Variants in MAML2 observed in about 807,000 individuals in gnomAD.
MAML2 encodes mastermind like transcriptional coactivator 2.
Under a neutral mutation model 96.1 loss-of-function variants are expected in MAML2, and 22 were observed. The ratio of observed to expected loss-of-function variants is 0.23; its 90% CI spans 0.16 to 0.33. MAML2 has a LOEUF of 0.33. Among genes scored for constraint, MAML2 ranks in the 10% least tolerant of loss-of-function variants. The pLI, the probability that MAML2 is intolerant of heterozygous loss-of-function variation, is 1.00. For synonymous variants in MAML2, 561 were observed against 521.3 expected, an observed-to-expected ratio of 1.08 and a Z score of -1.04; for missense variants, 1,367 against 1,392.4, an observed-to-expected ratio of 0.98 and a Z score of 0.29.
At chr11:96,190,607 G>A (rs1004146844) in intron 1 of MAML2, among the ~76,000 whole-genome samples, 2 of 152,104 alleles carry the variant, frequency 1.3e-5, no homozygotes, top group Non-Finnish European at 2.9e-5. Context: ...CCTGGAACTG[G>A]GGCCAATAAA....
At chr11:96,311,960 G>A (rs1863547693) in intron 1 of MAML2, among the ~76,000 whole-genome samples, 1 of 152,006 alleles carries the variant, frequency 6.6e-6, no homozygotes, top group African/African-American at 2.4e-5. Context: ...GCAAACACCG[G>A]CCAGGCTTGG....
At chr11:96,042,466 C>G (rs1356818884) in intron 2 of MAML2, among the ~76,000 whole-genome samples, 1 of 152,140 alleles carries the variant, frequency 6.6e-6, no homozygotes, top group African/African-American at 2.4e-5. Flanking sequence ...CTCCCGTGGT[C>G]TTCCCCACTG....
chr11:96,105,125 G>T (rs1393921981), intron 1 of MAML2, among the ~76,000 whole-genome samples: 1 of 152,142 alleles, frequency 6.6e-6, no homozygotes. Context: ...TGAAATGCTG[G>T]AAAGAGGCCA....
chr11:96,184,300 C>G (rs963031033), intron 1 of MAML2, among the ~76,000 whole-genome samples: 1 of 151,958 alleles, frequency 6.6e-6, no homozygotes, highest in African/African-American at 2.4e-5. Flanking sequence ...AATTAGTGGG[C>G]GTGGTGGCAC....
intron 1 of MAML2, among the ~76,000 whole-genome samples, chr11:96,292,462 T>C (rs895409315): frequency 6.6e-6 from 1 of 152,230 alleles, no homozygotes; most frequent in African/African-American, 2.4e-5. Flanking sequence ...TATGCTATTA[T>C]CCCATTTTAC....
intron 1 of MAML2, among the ~76,000 whole-genome samples, chr11:96,199,221 AAG>A (rs1861779341): frequency 2.1e-5 from 3 of 141,532 alleles, no homozygotes; most frequent in African/African-American, 7.8e-5. Context: ...AAAAAAAAAA[AAG>A]AGAGGGGTAG....
Position 96,341,971 on chromosome 11 carries a change from C to A in MAML2, c.-76G>T. The A allele has an allele frequency of 7.2e-7, 1 of 1,389,984 alleles. No individual in the cohort carries two copies. The highest frequency in any genetic ancestry group is 1.5e-5 in the South Asian group (1 of 67,470). 86.1% of individuals were successfully genotyped at this position (1,389,984 alleles called of 1,614,324 possible). On this transcript the variant is annotated 5_prime_UTR_variant, in exon 1 of 5. Coordinates refer to ENST00000524717, the MANE Select transcript of MAML2 (RefSeq NM_032427.4). Reference sequence around the variant, plus strand: ...CTACTGCTGGCTATTGCAGGCAAGTCTGTTTTTGACAATGTGAGCTCAGTG... The same window carrying A: ...CTACTGCTGGCTATTGCAGGCAAGTATGTTTTTGACAATGTGAGCTCAGTG...
rs760862835 is a variant in MAML2 at position 95,977,165 on chromosome 11, G to T, written c.*1783C>A. 1 of 190,930 alleles carries T rather than the reference G, an allele frequency of 5.2e-6. No individual in the cohort carries two copies. Among genetic ancestry groups the T allele is most frequent in the Non-Finnish European group, 1.1e-5 (1 of 91,058 alleles). 11.8% of individuals were successfully genotyped at this position (190,930 alleles called of 1,614,324 possible). On this transcript the variant is annotated 3_prime_UTR_variant, in exon 5 of 5. Transcript: ENST00000524717. ...ATATTATACAAAACTTTGCATATTA[G>T]CATACAAAAGGTAGCAATTTACTTT...
intron 2 of MAML2, among the ~76,000 whole-genome samples, chr11:96,089,785 G>A (rs1337106354): frequency 6.6e-6 from 1 of 151,828 alleles, no homozygotes; most frequent in Non-Finnish European, 1.5e-5. Flanking sequence ...TTAAATGGGT[G>A]GCTACTCCCT....
chr11:96,201,727 G>A (rs1415970353), intron 1 of MAML2, among the ~76,000 whole-genome samples: 1 of 151,914 alleles, frequency 6.6e-6, no homozygotes, highest in African/African-American at 2.4e-5. Flanking sequence ...AGACCATCCT[G>A]GCTAACACGG....
chr11:96,188,083 TATTTA>T (rs1158543050), intron 1 of MAML2, among the ~76,000 whole-genome samples: 1 of 152,262 alleles, frequency 6.6e-6, no homozygotes, highest in African/African-American at 2.4e-5. Flanking sequence ...AGCACCCTGC[TATTTA>T]ATCTTTGCTG....
intron 1 of MAML2, among the ~76,000 whole-genome samples, chr11:96,185,764 CT>C (rs1436656114): frequency 1.3e-5 from 2 of 152,292 alleles, no homozygotes; most frequent in East Asian, 3.9e-4. Flanking sequence ...GCTTTAGAAC[CT>C]TGTGTATGCA....
At chr11:96,112,269 A>G (rs1336328399) in intron 1 of MAML2, among the ~76,000 whole-genome samples, 3 of 152,270 alleles carry the variant, frequency 2.0e-5, no homozygotes, top group African/African-American at 7.2e-5. Flanking sequence ...AATTAAGAGG[A>G]AATGGGCTTA....
chr11:96,019,925 T>C (rs918870764), intron 2 of MAML2, among the ~76,000 whole-genome samples: 2 of 152,188 alleles, frequency 1.3e-5, no homozygotes, highest in Admixed American at 6.5e-5. Flanking sequence ...TGACTCAAAG[T>C]TCAAACTTTG....
rs60927609 is a variant in MAML2 at position 96,089,958 on chromosome 11, G to A, written c.2139+1934C>T. 2.8e-5 allele frequency among the ~76,000 whole-genome samples: 3 copies of A among 105,854 alleles called. No individual in the cohort carries two copies. In the East Asian group the frequency reaches 5.8e-4, roughly 21 times the overall value. The allele number at this position is 105,854 out of a possible 152,430, so 69.4% of individuals were successfully genotyped here. Reference sequence around the variant, plus strand: ...TTGGAACATGTTTGTTGATTTGGCCGTCAGCACCAGAGCTATTGAACCTCT... The same window carrying A: ...TTGGAACATGTTTGTTGATTTGGCCATCAGCACCAGAGCTATTGAACCTCT... On this transcript the variant is annotated intron_variant, in intron 2 of 4. Coordinates refer to ENST00000524717, the MANE Select transcript of MAML2 (RefSeq NM_032427.4).
chr11:96,108,752 G>T (rs1271908143), intron 1 of MAML2, among the ~76,000 whole-genome samples: 1 of 152,066 alleles, frequency 6.6e-6, no homozygotes, highest in Non-Finnish European at 1.5e-5. Flanking sequence ...GTGTAAGCAG[G>T]CTGGACACAA....
At chr11:96,037,006 A>G (rs938947978) in intron 2 of MAML2, among the ~76,000 whole-genome samples, 1 of 152,144 alleles carries the variant, frequency 6.6e-6, no homozygotes, top group Admixed American at 6.5e-5. Flanking sequence ...TGGAAATTTG[A>G]TCGGAGTCTG....
intron 1 of MAML2, among the ~76,000 whole-genome samples, chr11:96,099,065 T>C (rs1461646141): frequency 6.6e-6 from 1 of 151,826 alleles, no homozygotes; most frequent in Non-Finnish European, 1.5e-5. Flanking sequence ...GGTCACTTTT[T>C]TTCACCCCAG....
intron 1 of MAML2, among the ~76,000 whole-genome samples, chr11:96,132,205 G>A (rs954556763): frequency 1.7e-4 from 26 of 152,206 alleles, no homozygotes; most frequent in African/African-American, 5.8e-4. Context: ...CAGGAAATTA[G>A]GAAAAAATGA....
Sources: allele counts gnomAD v4.1 joint callset (sites outside exome capture counted in the v4.1 genomes callset), GRCh38; gene constraint gnomAD v4.1.1; transcripts MANE v1.5; gene names NCBI Gene and HGNC (gene_info 2026-07-23, HGNC 2026-07-21).